Variants in PHF20 observed in about 807,000 individuals in gnomAD.
PHF20 encodes the protein PHD finger protein 20, also known as glioma-expressed antigen 2.
PHF20 carries 23 observed loss-of-function variants against 113.5 expected under a neutral mutation model. The observed-to-expected ratio is 0.20, with a 90% CI of 0.15 to 0.29. PHF20 has a LOEUF of 0.29. Among genes scored for constraint, PHF20 ranks in the 10% least tolerant of loss-of-function variants. The probability of loss-of-function intolerance (pLI) is 1.00; values close to 1 mark genes in which losing one functional copy is unlikely to be tolerated. For synonymous variants in PHF20, 434 were observed against 457.3 expected (o/e 0.95, Z 0.65); for missense variants, 943 against 1,219.6 (o/e 0.77, Z 3.38).
intron 2 of PHF20, among the ~76,000 whole-genome samples, chr20:35,828,717 C>G (rs2146914921): frequency 6.6e-6 from 1 of 152,288 alleles, no homozygotes; most frequent in South Asian, 2.1e-4. Context: ...ACAGCCCTCT[C>G]TCTCCCTTGG....
chr20:35,873,360 CA>C (rs1400125921), intron 9 of PHF20, among the ~76,000 whole-genome samples: 1 of 151,904 alleles, frequency 6.6e-6, no homozygotes. Context: ...CTCGGCCTCC[CA>C]AAGTGCTAGG....
At chr20:35,878,418 A>G (rs1163090782) in intron 9 of PHF20, 7 of 454,512 alleles carry the variant, frequency 1.5e-5, no homozygotes, top group Non-Finnish European at 2.3e-5. Flanking sequence ...CGTGTGCGAG[A>G]TTTTCTTGCT....
At chr20:35,921,039 C>G (rs992675981) in intron 13 of PHF20, among the ~76,000 whole-genome samples, 2 of 152,118 alleles carry the variant, frequency 1.3e-5, no homozygotes, top group African/African-American at 4.8e-5. Flanking sequence ...AATATGCTGT[C>G]AGAATTATGA....
chr20:35,944,091 C>T (rs185817112), intron 17 of PHF20, among the ~76,000 whole-genome samples: 1 of 152,264 alleles, frequency 6.6e-6, no homozygotes, highest in Admixed American at 6.5e-5. Context: ...CCTCTGTAAC[C>T]TTCTGTCTTG....
At chr20:35,839,102 G>A (rs1450345267) in intron 2 of PHF20, among the ~76,000 whole-genome samples, 1 of 151,964 alleles carries the variant, frequency 6.6e-6, no homozygotes, top group Admixed American at 6.6e-5. Context: ...TAAAGAAAGT[G>A]GTTTGAAGCC....
At chr20:35,855,144 C>T in intron 4 of PHF20, 1 of 355,894 alleles carries the variant, frequency 2.8e-6, no homozygotes, top group Admixed American at 5.1e-5. Context: ...CCCATCCCCC[C>T]ATCTCCGTCC....
intron 3 of PHF20, among the ~76,000 whole-genome samples, 183 bp from the exon 4 acceptor site, chr20:35,847,167 G>T (rs764296925): frequency 5.9e-5 from 9 of 152,076 alleles, no homozygotes; most frequent in Non-Finnish European, 1.3e-4. Context: ...GAGGACAAAT[G>T]ACACCGAAAT....
chr20:35,845,223 TAAC>T (rs1168871329), intron 3 of PHF20, among the ~76,000 whole-genome samples: 1 of 151,778 alleles, frequency 6.6e-6, no homozygotes, highest in South Asian at 2.1e-4. Context: ...GTTCCTGTAA[TAAC>T]AGTTTGTTTT....
Position 35,907,825 on chromosome 20 carries a change from T to A in PHF20, c.1562-5424T>A, listed in dbSNP as rs905148388. Among the ~76,000 whole-genome samples the A allele has an allele frequency of 2.6e-5, 4 of 152,222 alleles. No individual in the cohort carries two copies. The East Asian group carries it at 5.8e-4, about 22-fold the overall frequency. ...GAATGTATAGTTTGTCATTGCTGGA[T>A]TTAAGTCCAGTATTTCTTTGTTTTT... On this transcript the variant is annotated intron_variant, in intron 10 of 17. Transcript: ENST00000374012.
intron 16 of PHF20, among the ~76,000 whole-genome samples, chr20:35,940,315 G>A (rs1249134549): frequency 6.6e-6 from 1 of 151,894 alleles, no homozygotes; most frequent in Admixed American, 6.6e-5. Flanking sequence ...AAGCAACCAG[G>A]GCTAACAGTC....
intron 10 of PHF20, among the ~76,000 whole-genome samples, chr20:35,901,065 A>G (rs1007118324): frequency 6.6e-6 from 1 of 152,102 alleles, no homozygotes; most frequent in Non-Finnish European, 1.5e-5. Context: ...GTGTTCATTT[A>G]TGAAAAAGTA....
At chr20:35,811,763 A>G (rs965003711) in intron 2 of PHF20, among the ~76,000 whole-genome samples, 2 of 144,040 alleles carry the variant, frequency 1.4e-5, no homozygotes, top group African/African-American at 2.6e-5. Flanking sequence ...TTATTTATTT[A>G]TTTATTTTTA....
At position 35,927,919 on chromosome 20, in the gene PHF20, C is replaced by T. The variant is rs1255913541; in HGVS notation, c.2104+40C>T. ...AGTCAGGGATATAACAGTATGTAGCCTTTTCCTTGGCACAGCTGGCTGTGA... is the reference window on the plus strand; with the variant it reads ...AGTCAGGGATATAACAGTATGTAGCTTTTTCCTTGGCACAGCTGGCTGTGA... On this transcript the variant is annotated intron_variant, in intron 14 of 17. Transcript: ENST00000374012. 39 of 1,392,550 alleles carry T rather than the reference C, an allele frequency of 2.8e-5. No individual in the cohort carries two copies. The East Asian group carries it at 8.9e-4, about 32-fold the overall frequency. The allele number at this position is 1,392,550 out of a possible 1,614,324, so 86.3% of individuals were successfully genotyped here.
At chr20:35,775,754 C>CAAAAAAA (rs11167276) in intron 1 of PHF20, among the ~76,000 whole-genome samples, 1 of 85,508 alleles carries the variant, frequency 1.2e-5, no homozygotes, top group Non-Finnish European at 2.1e-5. Context: ...ACTCTGTCTC[C>CAAAAAAA]AAAAAAAAAA....
chr20:35,876,486 G>T (rs1600861276), intron 9 of PHF20, among the ~76,000 whole-genome samples: 1 of 151,982 alleles, frequency 6.6e-6, no homozygotes. Flanking sequence ...CAGGAGAGTT[G>T]CTTGAACCTG....
At chr20:35,890,377 C>T (rs538709119) in intron 9 of PHF20, among the ~76,000 whole-genome samples, 3 of 152,188 alleles carry the variant, frequency 2.0e-5, no homozygotes, top group South Asian at 2.1e-4. Flanking sequence ...TTTTAATGTT[C>T]CTATTGTGAT....
At chr20:35,785,274 A>G (rs949164193) in intron 1 of PHF20, among the ~76,000 whole-genome samples, 3 of 152,162 alleles carry the variant, frequency 2.0e-5, no homozygotes, top group African/African-American at 7.2e-5. Flanking sequence ...TATTAATAAT[A>G]AAGGCTAGGA....
At chr20:35,892,399 G>A (rs2054891553) in intron 9 of PHF20, among the ~76,000 whole-genome samples, 1 of 151,264 alleles carries the variant, frequency 6.6e-6, no homozygotes, top group Admixed American at 6.6e-5. Flanking sequence ...AGTAGAGATG[G>A]GGTTTCACCA....
rs1461584475 is a variant in PHF20, at chr20:35,939,053, C to T, written c.2657C>T (p.Pro886Leu). The change falls in exon 16 of 18, where the codon CCT becomes CTT. Residue 886 changes from proline to leucine, a missense_variant. By Grantham distance (98) the Pro-to-Leu change is moderately conservative. Around this residue, in one of 3 missense-constraint regions of PHF20, gnomAD observed 349 missense variants for 412.3 expected, o/e 0.85. Coordinates refer to ENST00000374012, the MANE Select transcript of PHF20 (RefSeq NM_016436.5). ...DDSLSPRLGW[P>L]LDQDRSKGDS... ...TCCCTTTCCCCGCGCCTGGGCTGGC[C>T]TCTAGACCAAGACAGGAGCAAGGGG... The T allele has an allele frequency of 6.2e-7, 1 of 1,614,138 alleles. No individual in the cohort carries two copies. Among genetic ancestry groups the T allele is most frequent in the Admixed American group, 1.7e-5 (1 of 60,024 alleles).
Sources: gnomAD v4.1 joint callset for allele counts (sites outside exome capture counted in the v4.1 genomes callset) on GRCh38, gnomAD v4.1.1 for gene constraint, gnomAD v4.1.1 regional missense constraint, MANE v1.5 for transcripts, NCBI Gene and HGNC (gene_info 2026-07-23, HGNC 2026-07-21) for gene names.